Variants in DENND5B observed in about 807,000 individuals in gnomAD.
DENND5B encodes the protein DENN domain-containing protein 5B.
A neutral mutation model predicts 140.6 loss-of-function variants in DENND5B; 34 were observed. That is an observed-to-expected ratio of 0.24 (90% CI 0.18 to 0.32). The LOEUF (loss-of-function observed/expected upper bound fraction) is 0.32. Ranked by LOEUF, DENND5B falls within the 10% of genes least tolerant of loss-of-function variation. The probability of loss-of-function intolerance (pLI) is 1.00; values close to 1 mark genes in which losing one functional copy is unlikely to be tolerated. For synonymous variants in DENND5B, 551 were observed against 562.1 expected, an observed-to-expected ratio of 0.98 and a Z score of 0.28; for missense variants, 1,142 against 1,560.2, an observed-to-expected ratio of 0.73 and a Z score of 4.52.
At chr12:31,534,195 T>C (rs1472645004) in intron 1 of DENND5B, among the ~76,000 whole-genome samples, 2 of 152,146 alleles carry the variant, frequency 1.3e-5, no homozygotes, top group East Asian at 3.8e-4. Flanking sequence ...AGTCTCACTT[T>C]GTGGCCCAGG....
At position 31,500,842 on chromosome 12, in the gene DENND5B, AAG is replaced by A. The variant is rs1342407251; in HGVS notation, c.128-4925_128-4924del. On this transcript the variant is annotated intron_variant, in intron 1 of 20. Transcript: ENST00000389082. ...ATGCAAAATTGTACGGCCACTTTGG[AAG>A]AGAGTTTGGCAATTCCTTACAAGGT... Among the ~76,000 whole-genome samples, 9 of 152,306 alleles carry A rather than the reference AAG, an allele frequency of 5.9e-5. No homozygotes were observed. The South Asian group carries it at 1.7e-3, about 28-fold the overall frequency.
intron 1 of DENND5B, among the ~76,000 whole-genome samples, chr12:31,538,037 G>A (rs60307650): frequency 0.15 from 22,644 of 152,056 alleles, 1,891 homozygotes; most frequent in East Asian, 0.25. Flanking sequence ...AAGAGAGACA[G>A]ACCCCAATAT....
intron 3 of DENND5B, among the ~76,000 whole-genome samples, chr12:31,461,291 C>T (rs1160696495): frequency 6.6e-6 from 1 of 152,150 alleles, no homozygotes; most frequent in Non-Finnish European, 1.5e-5. Flanking sequence ...TTCATAGTTA[C>T]ACTTTCTATG....
chr12:31,516,541 T>TTTCCA (rs1947659708), intron 1 of DENND5B, among the ~76,000 whole-genome samples: 1 of 152,054 alleles, frequency 6.6e-6, no homozygotes, highest in Non-Finnish European at 1.5e-5. Context: ...TTATCTATTT[T>TTTCCA]TTCCATTTCT....
At chr12:31,446,909 A>C (rs1034167603) in intron 6 of DENND5B, among the ~76,000 whole-genome samples, 4 of 151,576 alleles carry the variant, frequency 2.6e-5, no homozygotes, top group African/African-American at 9.7e-5. Context: ...AAGAAAAAGA[A>C]AAAGAAAAAG....
chr12:31,552,287 T>C (rs1949095848), intron 1 of DENND5B, among the ~76,000 whole-genome samples: 1 of 152,216 alleles, frequency 6.6e-6, no homozygotes, highest in African/African-American at 2.4e-5. Context: ...CTGCTGAATT[T>C]TGTCAAAGGC....
intron 11 of DENND5B, among the ~76,000 whole-genome samples, chr12:31,415,686 C>T (rs879758040): frequency 2.0e-5 from 3 of 152,140 alleles, no homozygotes; most frequent in Non-Finnish European, 4.4e-5. Context: ...TGGGCTCAAG[C>T]GATCCTCCCA....
intron 1 of DENND5B, among the ~76,000 whole-genome samples, chr12:31,507,541 C>A (rs1947249061): frequency 6.6e-6 from 1 of 152,090 alleles, no homozygotes. Context: ...AATTCAAGAT[C>A]TAGAGTTCTC....
chr12:31,545,950 C>CAAA (rs57460264), intron 1 of DENND5B, among the ~76,000 whole-genome samples: 421 of 36,376 alleles, frequency 0.012, 50 homozygotes, highest in African/African-American at 0.055. Context: ...GACACTGTCT[C>CAAA]AAAAAAAAAA....
At position 31,389,312 on chromosome 12, in the gene DENND5B, C is replaced by A; in HGVS notation, c.3641+12G>T. The A allele has an allele frequency of 6.2e-7, 1 of 1,602,358 alleles. No individual in the cohort carries two copies. The highest frequency in any genetic ancestry group is 1.7e-5 in the Admixed American group (1 of 58,596). ...TGACAAAGATAGGGAAAATAAAAAACTGGTTTTGTACCTTGTTCCAAGGCA... is the reference window on the plus strand; with the variant it reads ...TGACAAAGATAGGGAAAATAAAAAAATGGTTTTGTACCTTGTTCCAAGGCA... On this transcript the variant is annotated intron_variant, in intron 20 of 20. Coordinates refer to ENST00000389082, the MANE Select transcript of DENND5B (RefSeq NM_144973.4).
intron 1 of DENND5B, among the ~76,000 whole-genome samples, chr12:31,548,875 CAG>C (rs1008606848): frequency 9.2e-5 from 14 of 152,230 alleles, no homozygotes; most frequent in African/African-American, 3.1e-4. Context: ...CATCAATAAA[CAG>C]AGTACTACTG....
At chr12:31,435,150 C>T (rs946670061) in intron 7 of DENND5B, among the ~76,000 whole-genome samples, 1 of 152,084 alleles carries the variant, frequency 6.6e-6, no homozygotes, top group African/African-American at 2.4e-5. Context: ...TTCCCGTACC[C>T]ACACAGACTA....
intron 8 of DENND5B, 146 bp downstream of exon 8, chr12:31,433,009 G>A (rs981546156): frequency 7.5e-6 from 5 of 666,368 alleles, no homozygotes; most frequent in South Asian, 2.2e-5. Context: ...CTATATGTCC[G>A]TACAAAAGGA....
At chr12:31,430,114 C>T (rs1833127579) in intron 8 of DENND5B, among the ~76,000 whole-genome samples, 1 of 151,778 alleles carries the variant, frequency 6.6e-6, no homozygotes, top group Non-Finnish European at 1.5e-5. Context: ...CCTCCGCCTC[C>T]CAGGTTCAAG....
chr12:31,557,814 C>CAAAAAAAAAA (rs71445804), intron 1 of DENND5B, among the ~76,000 whole-genome samples: 3 of 80,974 alleles, frequency 3.7e-5, no homozygotes, highest in Non-Finnish European at 7.2e-5. Context: ...GCTGTGGTGG[C>CAAAAAAAAAA]AAAAAAAAAA....
chr12:31,398,031 G>T, intron 17 of DENND5B, 144 bp downstream of exon 17: 4 of 827,012 alleles, frequency 4.8e-6, no homozygotes, highest in Non-Finnish European at 5.3e-6. Flanking sequence ...AAACTCTTCC[G>T]GCTTTTGAAT....
intron 1 of DENND5B, among the ~76,000 whole-genome samples, chr12:31,554,190 A>G (rs2139272159): frequency 6.6e-6 from 1 of 152,060 alleles, no homozygotes; most frequent in Non-Finnish European, 1.5e-5. Flanking sequence ...ATGTTTTTGC[A>G]GTGGCTGGTA....
intron 2 of DENND5B, among the ~76,000 whole-genome samples, chr12:31,492,273 T>C (rs999849944): frequency 1.3e-5 from 2 of 152,248 alleles, no homozygotes; most frequent in Non-Finnish European, 2.9e-5. Context: ...TGATAATTAC[T>C]TTAAAGATTA....
At chr12:31,497,902 GGGGTA>G in intron 1 of DENND5B, among the ~76,000 whole-genome samples, 1 of 66,752 alleles carries the variant, frequency 1.5e-5, no homozygotes, top group South Asian at 9.3e-4. Context: ...GGCAAGGGGA[GGGGTA>G]GGGGCAGGGG....
Sources: gnomAD v4.1 joint callset for allele counts (sites outside exome capture counted in the v4.1 genomes callset) on GRCh38, gnomAD v4.1.1 for gene constraint, MANE v1.5 for transcripts, NCBI Gene and HGNC (gene_info 2026-07-23, HGNC 2026-07-21) for gene names.